CPNE4: variants seen among roughly 807,000 people sequenced by gnomAD.
CPNE4 encodes copine-4.
In CPNE4, 25 loss-of-function variants were observed where a neutral mutation model predicts 67.9. The observed-to-expected ratio is 0.37, with a 90% confidence interval of 0.27 to 0.51. The LOEUF (loss-of-function observed/expected upper bound fraction) is 0.51, where lower values mean the gene tolerates loss of function less well. Among genes scored for constraint, CPNE4 ranks in the 20% least tolerant of loss-of-function variants. The pLI is 0.93. For synonymous variants in CPNE4, 242 were observed against 244.9 expected (o/e 0.99, Z 0.11); for missense variants, 464 against 690.8 (o/e 0.67, Z 3.68).
At chr3:131,768,470 T>G (rs1205363275) in intron 2 of CPNE4, among the ~76,000 whole-genome samples, 2 of 152,120 alleles carry the variant, frequency 1.3e-5, no homozygotes, top group African/African-American at 2.4e-5. Context: ...TTCCATCCAG[T>G]GCTGTTTTGG....
chr3:131,537,837 A>G (rs941657526), intron 15 of CPNE4, among the ~76,000 whole-genome samples: 1 of 152,176 alleles, frequency 6.6e-6, no homozygotes, highest in Admixed American at 6.6e-5. Flanking sequence ...TCCAGCAGCA[A>G]TGAGCCCCTA....
intron 3 of CPNE4, among the ~76,000 whole-genome samples, chr3:131,718,886 G>A (rs2081809486): frequency 6.6e-6 from 1 of 152,314 alleles, no homozygotes; most frequent in East Asian, 1.9e-4. Context: ...GTCATTAAAA[G>A]AAGAAATAAA....
chr3:131,967,665 A>G (rs1341019625), intron 1 of CPNE4, among the ~76,000 whole-genome samples: 1 of 151,814 alleles, frequency 6.6e-6, no homozygotes, highest in Non-Finnish European at 1.5e-5. Context: ...ACAATTTACA[A>G]GAGGCTCCTT....
intron 3 of CPNE4, among the ~76,000 whole-genome samples, chr3:131,713,501 A>G (rs569204376): frequency 6.6e-6 from 1 of 152,326 alleles, no homozygotes; most frequent in South Asian, 2.1e-4. Context: ...TTTCGAAAAC[A>G]AGAAAAGGAA....
intron 1 of CPNE4, among the ~76,000 whole-genome samples, chr3:132,006,585 C>T (rs2107671609): frequency 6.6e-6 from 1 of 152,236 alleles, no homozygotes; most frequent in South Asian, 2.1e-4. Context: ...TCTTCTGTTG[C>T]CTGAAACTAT....
At chr3:131,544,632 A>T (rs1051137347) in intron 14 of CPNE4, among the ~76,000 whole-genome samples, 4 of 152,184 alleles carry the variant, frequency 2.6e-5, no homozygotes, top group Admixed American at 2.6e-4. Flanking sequence ...TTTCAGTAGG[A>T]TGAAGTGATG....
intron 1 of CPNE4, among the ~76,000 whole-genome samples, chr3:132,009,575 G>A (rs7650846): frequency 0.84 from 127,528 of 152,210 alleles, 54,521 homozygotes; most frequent in Non-Finnish European, 0.93. Context: ...ATGCCAGCAA[G>A]GTGAAGGTTT....
intron 1 of CPNE4, among the ~76,000 whole-genome samples, chr3:131,932,943 C>T (rs1241423296): frequency 1.3e-5 from 2 of 152,094 alleles, no homozygotes; most frequent in East Asian, 1.9e-4. Flanking sequence ...ATCGCTTGAA[C>T]CTGGGAGGTG....
intron 1 of CPNE4, among the ~76,000 whole-genome samples, chr3:132,009,309 G>A (rs1021277240): frequency 2.0e-5 from 3 of 152,192 alleles, no homozygotes; most frequent in Non-Finnish European, 4.4e-5. Flanking sequence ...TCTGCTCCTG[G>A]GGGAGGGGAG....
chr3:131,723,127 T>C (rs1290758438), intron 3 of CPNE4, among the ~76,000 whole-genome samples: 6 of 152,298 alleles, frequency 3.9e-5, no homozygotes, highest in South Asian at 2.1e-4. Flanking sequence ...GATAAGGCTA[T>C]AACAGACATG....
At chr3:131,625,437 A>G (rs1345140148) in intron 7 of CPNE4, among the ~76,000 whole-genome samples, 1 of 152,200 alleles carries the variant, frequency 6.6e-6, no homozygotes. Context: ...TTAACAGGAG[A>G]CTTCTACCTA....
chr3:131,546,343 A>C (rs1331691219), intron 14 of CPNE4, among the ~76,000 whole-genome samples: 1 of 152,198 alleles, frequency 6.6e-6, no homozygotes, highest in Non-Finnish European at 1.5e-5. Context: ...TGGATGAAAT[A>C]TTATAGTCTT....
chr3:131,942,263 T>C (rs937665109), intron 1 of CPNE4, among the ~76,000 whole-genome samples: 10 of 151,984 alleles, frequency 6.6e-5, no homozygotes, highest in African/African-American at 2.4e-4. Flanking sequence ...AATTTATAAT[T>C]TAAAAAATTT....
intron 7 of CPNE4, among the ~76,000 whole-genome samples, chr3:131,622,117 C>A (rs776366521): frequency 6.6e-6 from 1 of 151,682 alleles, no homozygotes; most frequent in African/African-American, 2.4e-5. Flanking sequence ...CAATCAGCTT[C>A]TTAAGCCCAT....
At chr3:131,557,959 T>C (rs1936554654) in intron 11 of CPNE4, among the ~76,000 whole-genome samples, 1 of 152,018 alleles carries the variant, frequency 6.6e-6, no homozygotes, top group African/African-American at 2.4e-5. Flanking sequence ...ATTTTCTTTT[T>C]TTGATGAGTT....
intron 2 of CPNE4, among the ~76,000 whole-genome samples, chr3:131,775,010 G>A (rs1170873769): frequency 1.3e-5 from 2 of 152,076 alleles, no homozygotes; most frequent in Non-Finnish European, 2.9e-5. Context: ...CAAAACCCAA[G>A]AGCAGTTCAG....
chr3:131,613,846 C>T (rs569905494), intron 7 of CPNE4, among the ~76,000 whole-genome samples: 90 of 152,324 alleles, frequency 5.9e-4, no homozygotes, highest in African/African-American at 2.1e-3. Flanking sequence ...GCATCCAATT[C>T]ATCCTTTGGC....
At chr3:132,020,814 A>G (rs1031896409) in intron 1 of CPNE4, among the ~76,000 whole-genome samples, 1 of 152,178 alleles carries the variant, frequency 6.6e-6, no homozygotes, top group Non-Finnish European at 1.5e-5. Context: ...AGCCCCGCAC[A>G]GCTGGAACAT....
intron 2 of CPNE4, among the ~76,000 whole-genome samples, chr3:131,774,207 A>G (rs772101124): frequency 9.9e-5 from 15 of 152,118 alleles, no homozygotes; most frequent in Non-Finnish European, 2.2e-4. Context: ...ATGATTAGTT[A>G]AAACCCCAAA....
Sources: gnomAD v4.1 joint callset for allele counts (sites outside exome capture counted in the v4.1 genomes callset) on GRCh38, gnomAD v4.1.1 for gene constraint, MANE v1.5 for transcripts, NCBI Gene and HGNC (gene_info 2026-07-23, HGNC 2026-07-21) for gene names.